Variants in ADAP1 observed in about 807,000 individuals in gnomAD.
The protein encoded by ADAP1 is arf-GAP with dual PH domain-containing protein 1.
ADAP1 carries 31 observed loss-of-function variants against 54.9 expected under a neutral mutation model. That is an observed-to-expected ratio of 0.56 (90% CI 0.42 to 0.76). The LOEUF (loss-of-function observed/expected upper bound fraction) is 0.76, where lower values mean the gene tolerates loss of function less well. Ranked by LOEUF, ADAP1 falls within the 30% of genes least tolerant of loss-of-function variation. The probability of loss-of-function intolerance (pLI) is 0.00; values close to 1 mark genes in which losing one functional copy is unlikely to be tolerated. For missense variants in ADAP1, 535 were observed against 512.4 expected, an observed-to-expected ratio of 1.04 and a Z score of -0.42; for synonymous variants, 313 against 202.6, an observed-to-expected ratio of 1.55 and a Z score of -4.63.
At chr7:914,015 G>A (rs28491630) in intron 4 of ADAP1, among the ~76,000 whole-genome samples, 5 of 152,056 alleles carry the variant, frequency 3.3e-5, no homozygotes, top group Admixed American at 2.6e-4. Flanking sequence ...GTGGGGCTCC[G>A]CCTTCCTCAG....
In ADAP1 at chr7:899,124, C is replaced by G. The variant is rs1562904101; in HGVS notation, c.1005G>C (p.Leu335=). The G allele has an allele frequency of 1.9e-6, 3 of 1,609,646 alleles. No homozygotes were observed. Among genetic ancestry groups the G allele is most frequent in the Middle Eastern group, 1.6e-4 (1 of 6,062 alleles). Residue 335 remains leucine, a synonymous_variant, in exon 10 of 11, where the codon CTG becomes CTC. Transcript: ENST00000265846. ...GGTCGGACTCCGTCTCGCAGGCAAA[C>G]AGAAACTTGCGGTCGGGCGTGACGA... ...ITIVTPDRKF[L]FACETESDQR...
chr7:942,636 G>GT (rs1442394475), intron 1 of ADAP1, among the ~76,000 whole-genome samples: 2 of 22,478 alleles, frequency 8.9e-5, no homozygotes, highest in Non-Finnish European at 9.7e-5. Flanking sequence ...GAGGAAGGGA[G>GT]GAGGAGGAAG....
At chr7:940,649 T>G (rs991785986) in intron 1 of ADAP1, among the ~76,000 whole-genome samples, 2 of 152,170 alleles carry the variant, frequency 1.3e-5, no homozygotes, top group Admixed American at 6.5e-5. Flanking sequence ...TGGCAGTTTC[T>G]TACATAAAGA....
chr7:927,318 GCCCTGAGGGTGGACGCTGGCAATGA>G (rs1436291913), intron 2 of ADAP1: 1 of 1,110,820 alleles, frequency 9.0e-7, no homozygotes, highest in Non-Finnish European at 1.2e-6. Context: ...AGGCGCAAAG[GCCCTGAGGGTGGACGCTGGCAATGA>G]CCCTGCCGCC....
intron 2 of ADAP1, among the ~76,000 whole-genome samples, chr7:931,495 G>A (rs926607442): frequency 6.6e-5 from 10 of 152,096 alleles, no homozygotes; most frequent in African/African-American, 1.9e-4. Flanking sequence ...CACGCCGTGC[G>A]ATCCCGTTTT....
chr7:903,730 C>T (rs1289055602), intron 6 of ADAP1, among the ~76,000 whole-genome samples: 1 of 152,156 alleles, frequency 6.6e-6, no homozygotes. Flanking sequence ...GGCTACCGTC[C>T]ACATCTCCTC....
At position 899,063 on chromosome 7, in the gene ADAP1, C is replaced by A; in HGVS notation, c.1066G>T (p.Asp356Tyr). The A allele has an allele frequency of 6.2e-7, 1 of 1,608,602 alleles. No homozygotes were observed. The highest frequency in any genetic ancestry group is 8.5e-7 in the Non-Finnish European group (1 of 1,179,910). Residue 356 changes from aspartate to tyrosine, a missense_variant, in exon 10 of 11, where the codon GAC (aspartate) becomes TAC (tyrosine). Physicochemically the swap from Asp to Tyr is radical, Grantham distance 160. Coordinates refer to ENST00000265846, the MANE Select transcript of ADAP1 (RefSeq NM_006869.4). Reference sequence around the variant, plus strand: ...TACTCCTGGGGCAGCATGGGCCTGTCCACCGCCTTCTGGAAGGCCGCCACC... The same window carrying A: ...TACTCCTGGGGCAGCATGGGCCTGTACACCGCCTTCTGGAAGGCCGCCACC... ...EWVAAFQKAV[D>Y]RPMLPQEYAV...
chr7:943,203 GGAGTGAGGAGGAGGAAGAGA>G (rs1847020609), intron 1 of ADAP1, among the ~76,000 whole-genome samples: 1 of 59,690 alleles, frequency 1.7e-5, no homozygotes. Flanking sequence ...GAGGAGGAAG[GGAGTGAGGAGGAGGAAGAGA>G]GAGGAGGAGG....
chr7:918,406 G>A (rs959584124), intron 4 of ADAP1, among the ~76,000 whole-genome samples: 6 of 152,216 alleles, frequency 3.9e-5, no homozygotes, highest in South Asian at 2.1e-4. Flanking sequence ...TTAAAGGGAG[G>A]GCATCTTAGA....
Position 905,296 on chromosome 7 carries a change from GACA to G in ADAP1, c.389-127_389-125del, listed in dbSNP as rs1416098248. The G allele has an allele frequency of 3.8e-5, 17 of 451,514 alleles. 1 individual carries two copies. The highest frequency in any genetic ancestry group is 1.9e-4 in the South Asian group (9 of 47,744). 28.0% of individuals were successfully genotyped at this position (451,514 alleles called of 1,614,324 possible). A position where few individuals can be genotyped will look rare whatever the true frequency, so the allele number is the denominator to read the frequency against. On this transcript the variant is annotated intron_variant, in intron 4 of 10. Coordinates refer to ENST00000265846, the MANE Select transcript of ADAP1 (RefSeq NM_006869.4). ...ACGGGGGACACGGACGGGGGACACG[GACA>G]GGGGGAGACGGACGGGGAGAGGGGA...
In ADAP1 at chr7:919,882, G is replaced by A. The variant is rs1846116052; in HGVS notation, c.388+86C>T. On this transcript the variant is annotated intron_variant, in intron 4 of 10. Transcript: ENST00000265846. ...GATGGGGGAGGGAGGGAAAGAGATG[G>A]GGGAGGGAGGGAAAGAGATGGGGGA... is the stretch of plus-strand genomic sequence containing the variant. 6 of 806,438 alleles carry A rather than the reference G, an allele frequency of 7.4e-6. No homozygotes were observed. The South Asian group carries it at 7.9e-5, about 11-fold the overall frequency. The allele number at this position is 806,438 out of a possible 1,614,324, so 50.0% of individuals were successfully genotyped here. A position where few individuals can be genotyped will look rare whatever the true frequency, so the allele number is the denominator to read the frequency against.
At chr7:940,221 C>G (rs757795180) in intron 1 of ADAP1, among the ~76,000 whole-genome samples, 1 of 151,872 alleles carries the variant, frequency 6.6e-6, no homozygotes, top group African/African-American at 2.4e-5. Context: ...CACCTGTCAT[C>G]CCAGCATTTT....
At chr7:912,854 A>G (rs1562920664) in intron 4 of ADAP1, among the ~76,000 whole-genome samples, 1 of 151,640 alleles carries the variant, frequency 6.6e-6, no homozygotes, top group Non-Finnish European at 1.5e-5. Flanking sequence ...CGCCAGGCCT[A>G]TTTATTTATG....
At chr7:901,275 G>A (rs1020693130) in intron 6 of ADAP1, 46 of 346,106 alleles carry the variant, frequency 1.3e-4, no homozygotes, top group Admixed American at 3.5e-4. Context: ...TAGACCCAGC[G>A]CCCCTCCTGG....
At chr7:944,192 C>T (rs1333269188) in intron 1 of ADAP1, among the ~76,000 whole-genome samples, 2 of 151,670 alleles carry the variant, frequency 1.3e-5, no homozygotes, top group East Asian at 1.9e-4. Context: ...GCTGGGATTA[C>T]AGGCATGAGC....
upstream of ADAP1, chr7:955,351 C>A (rs1414249752): frequency 5.2e-6 from 8 of 1,550,268 alleles, no homozygotes; most frequent in Non-Finnish European, 7.0e-6. Flanking sequence ...CAAATTCTTT[C>A]CATTTTCTTC....
At position 926,659 on chromosome 7, in the gene ADAP1, G is replaced by A; in HGVS notation, c.214-15C>T. 1 of 1,536,192 alleles carries A rather than the reference G, an allele frequency of 6.5e-7. No individual in the cohort carries two copies. Among genetic ancestry groups the A allele is most frequent in the South Asian group, 1.2e-5 (1 of 82,944 alleles). Reference sequence around the variant, plus strand: ...GAGGCCATGAACTGCAAGAGAGGAGGGGCCGGGTCAGAGGCCTGGGGTCCC... The same window carrying A: ...GAGGCCATGAACTGCAAGAGAGGAGAGGCCGGGTCAGAGGCCTGGGGTCCC... On this transcript the variant is annotated splice_polypyrimidine_tract_variant and intron_variant, in intron 2 of 10. Coordinates refer to ENST00000265846, the MANE Select transcript of ADAP1 (RefSeq NM_006869.4). The surrounding 1 kb of genome is among the most constrained non-coding windows in gnomAD (Gnocchi z 4.6).
Position 945,654 on chromosome 7 carries a change from C to T in ADAP1, c.82+8742G>A. 1.2e-6 allele frequency: 1 copy of T among 862,154 alleles called. No individual in the cohort carries two copies. Among genetic ancestry groups the T allele is most frequent in the South Asian group, 5.3e-5 (1 of 18,800 alleles). 53.4% of individuals were successfully genotyped at this position (862,154 alleles called of 1,614,324 possible). On this transcript the variant is annotated intron_variant, in intron 1 of 10. Transcript: ENST00000265846. This position sits in a 1 kb window ranked among gnomAD's most constrained non-coding sequence, Gnocchi z 4.2. ...GGCAGGCCCAAGACTCCAGCCCCCA[C>T]AAACATCCAGGCTGCCAGCACCGTC...
intron 4 of ADAP1, among the ~76,000 whole-genome samples, chr7:906,752 ACATGGACAGGGGACATGGGGGACAGGG>A (rs1845451803): frequency 2.5e-4 from 4 of 15,956 alleles, no homozygotes; most frequent in Admixed American, 1.2e-3. Flanking sequence ...TACATAGGGG[ACATGGACAGGGGACATGGGGGACAGGG>A]GACACGGGGG....
Sources: gnomAD v4.1 joint callset for allele counts (sites outside exome capture counted in the v4.1 genomes callset) on GRCh38, gnomAD v4.1.1 for gene constraint, Gnocchi (gnomAD v3.1) non-coding constraint, MANE v1.5 for transcripts, NCBI Gene and HGNC (gene_info 2026-07-23, HGNC 2026-07-21) for gene names.